Variants in UCK2 observed in about 807,000 individuals in gnomAD.
UCK2 encodes cytidine monophosphokinase 2.
UCK2 carries 6 observed loss-of-function variants against 30.8 expected under a neutral mutation model. The ratio of observed to expected loss-of-function variants is 0.19; its 90% CI spans 0.11 to 0.38. The LOEUF is 0.38. UCK2 is among the 10% of genes least tolerant of loss of function. The probability of loss-of-function intolerance (pLI) is 1.00; values close to 1 mark genes in which losing one functional copy is unlikely to be tolerated. For missense variants in UCK2, 210 were observed against 339.8 expected, an observed-to-expected ratio of 0.62 and a Z score of 3.00; for synonymous variants, 125 against 133.6, an observed-to-expected ratio of 0.94 and a Z score of 0.45.
At chr1:165,858,504 G>A (rs559951778) in intron 1 of UCK2, among the ~76,000 whole-genome samples, 2 of 152,282 alleles carry the variant, frequency 1.3e-5, no homozygotes, top group South Asian at 2.1e-4. Flanking sequence ...ATAGGCCTGG[G>A]AACTTGTCCC....
At chr1:165,850,616 ATTTTTT>A (rs3077616) in intron 1 of UCK2, among the ~76,000 whole-genome samples, 1 of 116,780 alleles carries the variant, frequency 8.6e-6, no homozygotes, top group Non-Finnish European at 1.7e-5. Context: ...TAATTTTTAA[ATTTTTT>A]TTTTTTTTTT....
At chr1:165,863,119 C>T (rs145338932) in intron 1 of UCK2, among the ~76,000 whole-genome samples, 91 of 152,292 alleles carry the variant, frequency 6.0e-4, no homozygotes, top group Admixed American at 1.2e-3. Context: ...TGTCTTCTCC[C>T]GTGCCAGGTG....
At chr1:165,890,937 A>G (rs1655750019) in intron 2 of UCK2, 1 of 370,190 alleles carries the variant, frequency 2.7e-6, no homozygotes, top group Admixed American at 4.0e-5. Flanking sequence ...CAATCCTAGG[A>G]TGATAACAGC....
intron 1 of UCK2, among the ~76,000 whole-genome samples, chr1:165,828,252 T>C (rs1014278359): frequency 6.6e-6 from 1 of 152,100 alleles, no homozygotes; most frequent in African/African-American, 2.4e-5. Context: ...AGCGGATGCT[T>C]ATTGTTTTGC....
At chr1:165,895,413 G>T (rs527351919) in intron 3 of UCK2, 476 of 944,080 alleles carry the variant, frequency 5.0e-4, no homozygotes, top group Middle Eastern at 1.6e-3. Context: ...GTGAGACCCT[G>T]TCTCCAAAAA....
intron 1 of UCK2, among the ~76,000 whole-genome samples, chr1:165,851,618 T>C (rs962016263): frequency 1.3e-5 from 2 of 152,174 alleles, no homozygotes; most frequent in Non-Finnish European, 2.9e-5. Flanking sequence ...TTATGGATTT[T>C]TTTTTTCTTT....
At chr1:165,899,961 C>T in intron 4 of UCK2, among the ~76,000 whole-genome samples, 1 of 152,166 alleles carries the variant, frequency 6.6e-6, no homozygotes, top group East Asian at 1.9e-4. Flanking sequence ...AACATTCTGA[C>T]CCATTCCCCA....
intron 1 of UCK2, among the ~76,000 whole-genome samples, chr1:165,837,516 T>G (rs1381218146): frequency 2.0e-5 from 3 of 152,198 alleles, no homozygotes; most frequent in Non-Finnish European, 2.9e-5. Context: ...TACTGTCACT[T>G]TTAAGCCTTT....
chr1:165,886,726 G>C (rs926250039), intron 1 of UCK2, among the ~76,000 whole-genome samples: 2 of 152,320 alleles, frequency 1.3e-5, no homozygotes, highest in African/African-American at 4.8e-5. Context: ...TTAAGTAAGC[G>C]AAAGAGCATT....
chr1:165,904,387 C>G lies in UCK2; in HGVS notation c.597+1108C>G, dbSNP rs915928364. Among the ~76,000 whole-genome samples the G allele has an allele frequency of 2.0e-5, 3 of 152,122 alleles. No individual in the cohort carries two copies. In the East Asian group the frequency reaches 5.8e-4, roughly 29 times the overall value. On this transcript the variant is annotated intron_variant, in intron 5 of 6. Coordinates refer to ENST00000367879, the MANE Select transcript of UCK2 (RefSeq NM_012474.5). ...CATTGCCCTGGAGACTATTGAGTTA[C>G]AAGAGTAGGTTACTGGAAAGAGACC...
chr1:165,885,331 A>T (rs1195507096), intron 1 of UCK2: 1 of 398,444 alleles, frequency 2.5e-6, no homozygotes, highest in African/African-American at 2.1e-5. Flanking sequence ...AAGACAAAGT[A>T]ATACTTGTTG....
Position 165,864,797 on chromosome 1 carries a change from A to T in UCK2, c.100-25407A>T, listed in dbSNP as rs369680164. Among the ~76,000 whole-genome samples the T allele has an allele frequency of 1.8e-4, 27 of 151,870 alleles. No homozygotes were observed. In the East Asian group the frequency reaches 5.2e-3, roughly 29 times the overall value. On this transcript the variant is annotated intron_variant, in intron 1 of 6. Transcript: ENST00000367879. ...TGGACTTAAGTGATCCTCCCACCTT[A>T]GCCTCCTGAGTGTCCAGGACTACAG...
At chr1:165,896,712 C>T (rs925714888) in intron 4 of UCK2, among the ~76,000 whole-genome samples, 1 of 152,244 alleles carries the variant, frequency 6.6e-6, no homozygotes, top group Non-Finnish European at 1.5e-5. Flanking sequence ...GTAGGACCCC[C>T]GAGGATAGGA....
chr1:165,878,806 A>G (rs745520136), intron 1 of UCK2, among the ~76,000 whole-genome samples: 1 of 152,254 alleles, frequency 6.6e-6, no homozygotes, highest in Non-Finnish European at 1.5e-5. Context: ...GTGTGAACAT[A>G]CATTTTAAAC....
intron 1 of UCK2, among the ~76,000 whole-genome samples, chr1:165,862,872 A>G (rs562671557): frequency 8.5e-5 from 13 of 152,200 alleles, no homozygotes; most frequent in Non-Finnish European, 1.6e-4. Flanking sequence ...AAATTTGGAA[A>G]AGAAGCTTGT....
At chr1:165,863,244 G>A (rs1654962100) in intron 1 of UCK2, among the ~76,000 whole-genome samples, 1 of 152,224 alleles carries the variant, frequency 6.6e-6, no homozygotes, top group African/African-American at 2.4e-5. Flanking sequence ...GAGTAAAGAT[G>A]TCTGCACAGA....
intron 4 of UCK2, among the ~76,000 whole-genome samples, chr1:165,898,634 A>G (rs1020555748): frequency 6.6e-6 from 1 of 152,190 alleles, no homozygotes; most frequent in Non-Finnish European, 1.5e-5. Flanking sequence ...AGCACAGGAG[A>G]TTAGAACCAA....
chr1:165,847,555 A>G (rs1654483738), intron 1 of UCK2, among the ~76,000 whole-genome samples: 1 of 152,224 alleles, frequency 6.6e-6, no homozygotes, highest in African/African-American at 2.4e-5. Context: ...CTCAGCCTCG[A>G]CTATGTTAAG....
intron 1 of UCK2, among the ~76,000 whole-genome samples, chr1:165,884,003 AC>A (rs971146498): frequency 2.0e-5 from 3 of 152,074 alleles, no homozygotes; most frequent in African/African-American, 4.8e-5. Context: ...GTGGGGAGCA[AC>A]CCCTACCCGC....
Sources: gnomAD v4.1 joint callset for allele counts (sites outside exome capture counted in the v4.1 genomes callset) on GRCh38, gnomAD v4.1.1 for gene constraint, MANE v1.5 for transcripts, NCBI Gene and HGNC (gene_info 2026-07-23, HGNC 2026-07-21) for gene names.